HIP1: variants seen among roughly 807,000 people sequenced by gnomAD.
HIP1 encodes huntingtin-interacting protein 1.
Under a neutral mutation model 147.6 loss-of-function variants are expected in HIP1, and 65 were observed. That is an observed-to-expected ratio of 0.44 (90% CI 0.36 to 0.54). HIP1 has a LOEUF of 0.54. Ranked by LOEUF, HIP1 falls within the 20% of genes least tolerant of loss-of-function variation. HIP1 has a pLI of 0.00. For missense variants in HIP1, 1,061 were observed against 1,299.6 expected, an observed-to-expected ratio of 0.82 and a Z score of 2.82; for synonymous variants, 479 against 504.0, an observed-to-expected ratio of 0.95 and a Z score of 0.67.
At chr7:75,558,308 T>C in intron 14 of HIP1, 53 bp from the exon 15 acceptor site, 2 of 1,355,652 alleles carry the variant, frequency 1.5e-6, no homozygotes, top group Non-Finnish European at 2.1e-6. Context: ...GACCCTTGCC[T>C]TCCTTGCAAT....
intron 1 of HIP1, among the ~76,000 whole-genome samples, chr7:75,665,120 G>A (rs1799514634): frequency 6.6e-6 from 1 of 152,010 alleles, no homozygotes; most frequent in Non-Finnish European, 1.5e-5. Context: ...AAATTAGAAA[G>A]GCATGGAGGT....
intron 1 of HIP1, among the ~76,000 whole-genome samples, chr7:75,714,456 T>C (rs1801254665): frequency 3.2e-5 from 1 of 30,996 alleles, no homozygotes; most frequent in Non-Finnish European, 5.9e-5. Context: ...TCTTTTTTTC[T>C]TTTTTTTTTT....
At chr7:75,594,542 G>A (rs938181178) in intron 2 of HIP1, among the ~76,000 whole-genome samples, 4 of 152,224 alleles carry the variant, frequency 2.6e-5, no homozygotes, top group Non-Finnish European at 4.4e-5. Context: ...CTGGGAGGCC[G>A]AGGTGGGCAG....
intron 1 of HIP1, among the ~76,000 whole-genome samples, chr7:75,616,584 G>GGGAGGAGGAGGAGGAGGAGGAGGA (rs782489721): frequency 1.4e-4 from 21 of 146,060 alleles, no homozygotes; most frequent in African/African-American, 4.8e-4. Flanking sequence ...TTTAAGGGTG[G>GGGAGGAGGAGGAGGAGGAGGAGGA]GGAGGAGGAG....
intron 1 of HIP1, chr7:75,733,748 T>C (rs1554523346): frequency 6.5e-6 from 1 of 153,166 alleles, no homozygotes; most frequent in Non-Finnish European, 1.5e-5. Context: ...GATGGGCATG[T>C]GGCCAGGCTC....
intron 1 of HIP1, among the ~76,000 whole-genome samples, chr7:75,717,554 C>T (rs1044213652): frequency 6.6e-5 from 10 of 151,456 alleles, no homozygotes; most frequent in South Asian, 2.1e-4. Flanking sequence ...AGCCGGGGCC[C>T]GGTGTGGTGG....
intron 1 of HIP1, among the ~76,000 whole-genome samples, chr7:75,689,866 C>G (rs1035009988): frequency 1.3e-5 from 2 of 152,148 alleles, no homozygotes; most frequent in Non-Finnish European, 2.9e-5. Context: ...ACAGAATTTA[C>G]AAGTGGAAAC....
intron 1 of HIP1, among the ~76,000 whole-genome samples, chr7:75,695,518 G>A (rs577620973): frequency 1.3e-5 from 2 of 152,248 alleles, no homozygotes; most frequent in South Asian, 2.1e-4. Context: ...TGCAGTTGTA[G>A]GATAAATACT....
chr7:75,572,469 T>TGTCAACAAGTATG (rs1795678654), intron 8 of HIP1, among the ~76,000 whole-genome samples: 1 of 152,186 alleles, frequency 6.6e-6, no homozygotes, highest in South Asian at 2.1e-4. Flanking sequence ...TCTGCTGATA[T>TGTCAACAAGTATG]TTGTGCTGTT....
intron 1 of HIP1, among the ~76,000 whole-genome samples, chr7:75,675,563 C>A (rs1386604343): frequency 6.6e-6 from 1 of 151,976 alleles, no homozygotes; most frequent in Non-Finnish European, 1.5e-5. Context: ...TTTTTTGTTC[C>A]TTTTTATAAT....
intron 1 of HIP1, chr7:75,626,906 C>T (rs1225522621): frequency 1.3e-5 from 2 of 151,602 alleles, no homozygotes; most frequent in Admixed American, 1.3e-4. Flanking sequence ...CACACACACA[C>T]ACACACAGAA....
At chr7:75,571,052 A>G (rs980296071) in intron 8 of HIP1, among the ~76,000 whole-genome samples, 2 of 152,060 alleles carry the variant, frequency 1.3e-5, no homozygotes, top group African/African-American at 2.4e-5. Flanking sequence ...AAAACTATGT[A>G]TTGTAAAGAG....
intron 1 of HIP1, among the ~76,000 whole-genome samples, chr7:75,709,898 T>C (rs1026115982): frequency 1.9e-4 from 29 of 152,268 alleles, no homozygotes; most frequent in African/African-American, 6.5e-4. Flanking sequence ...TCTTTGTTTT[T>C]GAGACATGGT....
chr7:75,720,996 C>T (rs1801484364), intron 1 of HIP1, among the ~76,000 whole-genome samples: 1 of 149,922 alleles, frequency 6.7e-6, no homozygotes, highest in Admixed American at 6.7e-5. Flanking sequence ...CAAGATCGGG[C>T]CATTGCACTC....
chr7:75,585,582 C>A (rs1335892654), intron 5 of HIP1, among the ~76,000 whole-genome samples: 1 of 151,872 alleles, frequency 6.6e-6, no homozygotes, highest in Non-Finnish European at 1.5e-5. Context: ...CTCCCCTCCA[C>A]ACTCTCAGCC....
intron 1 of HIP1, among the ~76,000 whole-genome samples, chr7:75,728,105 T>C (rs1801711637): frequency 6.6e-6 from 1 of 152,184 alleles, no homozygotes; most frequent in Non-Finnish European, 1.5e-5. Context: ...GCTCTGTGGC[T>C]TCAAAGGAGT....
chr7:75,712,184 A>G (rs560009957), intron 1 of HIP1, among the ~76,000 whole-genome samples: 2 of 151,426 alleles, frequency 1.3e-5, no homozygotes, highest in African/African-American at 4.9e-5. Context: ...TTACGGGGGG[A>G]AAAAAAGTTA....
chr7:75,682,483 C>G (rs1800121873), intron 1 of HIP1, among the ~76,000 whole-genome samples: 1 of 150,798 alleles, frequency 6.6e-6, no homozygotes, highest in South Asian at 2.1e-4. Context: ...TGGTTTTGAA[C>G]TCCTGGGCTT....
In HIP1 at chr7:75,687,445, A is replaced by C. The variant is rs189024795; in HGVS notation, c.120+51356T>G. Reference sequence around the variant, plus strand: ...GGTGGCTCATGCCTGTAATCTCATCACTTTGGGAGGCCAAGGCGGGAGGAT... The same window carrying C: ...GGTGGCTCATGCCTGTAATCTCATCCCTTTGGGAGGCCAAGGCGGGAGGAT... On this transcript the variant is annotated intron_variant, in intron 1 of 30. Coordinates refer to ENST00000336926, the MANE Select transcript of HIP1 (RefSeq NM_005338.7). 9.3e-4 allele frequency among the ~76,000 whole-genome samples: 141 copies of C among 152,242 alleles called. 1 individual carries two copies. In the East Asian group the frequency reaches 0.025, roughly 27 times the overall value.
Sources: allele counts gnomAD v4.1 joint callset (sites outside exome capture counted in the v4.1 genomes callset), GRCh38; gene constraint gnomAD v4.1.1; transcripts MANE v1.5; gene names NCBI Gene and HGNC (gene_info 2026-07-23, HGNC 2026-07-21).